The following LDB2 variants were observed in gnomAD, a reference collection of about 807,000 sequenced individuals.
LDB2 encodes the protein LIM domain binding 2, also known as LIM domain-binding protein 2.
LDB2 carries 12 observed loss-of-function variants against 44.3 expected under a neutral mutation model. That is an observed-to-expected ratio of 0.27 (90% CI 0.17 to 0.44). LDB2 has a LOEUF of 0.44. LDB2 is among the 20% of genes least tolerant of loss of function. The pLI, the probability that LDB2 is intolerant of heterozygous loss-of-function variation, is 1.00. For synonymous variants in LDB2, 164 were observed against 174.8 expected (o/e 0.94, Z 0.49); for missense variants, 344 against 473.5 (o/e 0.73, Z 2.54).
intron 5 of LDB2, among the ~76,000 whole-genome samples, chr4:16,569,812 G>T (rs2152396655): frequency 6.6e-6 from 1 of 152,224 alleles, no homozygotes; most frequent in East Asian, 1.9e-4. Context: ...TTGGAAAAGG[G>T]CTTAGAAGCC....
chr4:16,508,912 TA>T (rs1720635175), intron 6 of LDB2, among the ~76,000 whole-genome samples: 2 of 145,984 alleles, frequency 1.4e-5, no homozygotes, highest in South Asian at 4.3e-4. Flanking sequence ...AAATAATTTT[TA>T]TTTAATCATT....
At chr4:16,562,525 C>T (rs1352814618) in intron 5 of LDB2, among the ~76,000 whole-genome samples, 1 of 152,200 alleles carries the variant, frequency 6.6e-6, no homozygotes, top group Non-Finnish European at 1.5e-5. Context: ...GATACCATCT[C>T]ACACCAGTTA....
intron 2 of LDB2, among the ~76,000 whole-genome samples, chr4:16,722,418 G>T (rs1293066951): frequency 6.6e-6 from 1 of 152,094 alleles, no homozygotes; most frequent in Non-Finnish European, 1.5e-5. Flanking sequence ...GCCCTCTCAG[G>T]ACACCTCTCA....
chr4:16,520,758 T>C (rs1208957908), intron 5 of LDB2, among the ~76,000 whole-genome samples: 1 of 152,174 alleles, frequency 6.6e-6, no homozygotes, highest in Non-Finnish European at 1.5e-5. Context: ...ACTGCTTTTC[T>C]GACCCACCCA....
intron 2 of LDB2, among the ~76,000 whole-genome samples, chr4:16,654,072 C>T (rs181890517): frequency 2.6e-5 from 4 of 152,234 alleles, no homozygotes; most frequent in South Asian, 2.1e-4. Context: ...AAGACTCAAA[C>T]GTCTATAAAC....
chr4:16,654,730 A>G (rs1022797217), intron 2 of LDB2, among the ~76,000 whole-genome samples: 6 of 152,310 alleles, frequency 3.9e-5, no homozygotes, highest in South Asian at 2.1e-4. Flanking sequence ...ATTTTTCCCT[A>G]TAAGAAACCC....
At chr4:16,505,737 C>T (rs1170868700) in intron 7 of LDB2, 6 of 1,181,074 alleles carry the variant, frequency 5.1e-6, no homozygotes, top group Non-Finnish European at 7.0e-6. Flanking sequence ...GCCCTCAGCT[C>T]CCCACAAGGC....
At chr4:16,654,857 C>T (rs112330625) in intron 2 of LDB2, among the ~76,000 whole-genome samples, 57 of 152,212 alleles carry the variant, frequency 3.7e-4, no homozygotes, top group African/African-American at 1.1e-3. Context: ...ATTTGATTCA[C>T]GTTAACTTCC....
At chr4:16,697,323 TGGG>T (rs1752391570) in intron 2 of LDB2, among the ~76,000 whole-genome samples, 1 of 140,192 alleles carries the variant, frequency 7.1e-6, no homozygotes, top group African/African-American at 2.7e-5. Context: ...GGCGTGGTGG[TGGG>T]CGCCTGTAGT....
intron 1 of LDB2, among the ~76,000 whole-genome samples, chr4:16,892,763 C>G (rs531330830): frequency 1.3e-5 from 2 of 152,156 alleles, no homozygotes; most frequent in South Asian, 4.2e-4. Flanking sequence ...GCCCTGTTCT[C>G]CATATACTTT....
intron 1 of LDB2, among the ~76,000 whole-genome samples, chr4:16,850,145 T>C (rs558239580): frequency 1.1e-4 from 16 of 152,264 alleles, no homozygotes; most frequent in Non-Finnish European, 2.1e-4. Flanking sequence ...GGAGCTCTTG[T>C]GTAAGGAGAA....
In LDB2 at chr4:16,582,953, T is replaced by C. The variant is rs1376534182; in HGVS notation, c.615+2969A>G. Reference sequence around the variant, plus strand: ...CCAAATCAAATGACAATAGTTGTTCTTGTTGTTGCTTCAAAAGCACCAGGT... The same window carrying C: ...CCAAATCAAATGACAATAGTTGTTCCTGTTGTTGCTTCAAAAGCACCAGGT... On this transcript the variant is annotated intron_variant, in intron 5 of 7. Transcript: ENST00000304523. The surrounding 1 kb of genome is among the most constrained non-coding windows in gnomAD (Gnocchi z 4.8). Among the ~76,000 whole-genome samples, 1 of 147,380 alleles carries C rather than the reference T, an allele frequency of 6.8e-6. No homozygotes were observed. The highest frequency in any genetic ancestry group is 2.7e-5 in the African/African-American group (1 of 36,888).
intron 5 of LDB2, among the ~76,000 whole-genome samples, chr4:16,576,207 C>A (rs1343425085): frequency 6.6e-6 from 1 of 151,808 alleles, no homozygotes; most frequent in African/African-American, 2.4e-5. Context: ...CAAACCAAAT[C>A]CAAAATTTCT....
At chr4:16,631,651 G>A (rs993023094) in intron 2 of LDB2, among the ~76,000 whole-genome samples, 8 of 152,012 alleles carry the variant, frequency 5.3e-5, no homozygotes, top group Non-Finnish European at 7.4e-5. Flanking sequence ...TCCAGGAGCC[G>A]GTTTTTTGAA....
At chr4:16,506,876 A>C (rs188857806) in intron 7 of LDB2, 27 of 152,310 alleles carry the variant, frequency 1.8e-4, no homozygotes, top group African/African-American at 6.5e-4. Context: ...TAGCTATATC[A>C]CCGTTTCAGA....
chr4:16,782,881 T>C (rs1033948870), intron 1 of LDB2, among the ~76,000 whole-genome samples: 1 of 151,856 alleles, frequency 6.6e-6, no homozygotes, highest in Non-Finnish European at 1.5e-5. Context: ...TAGACAAACA[T>C]GTGGGTGTAT....
chr4:16,729,054 T>C (rs755145848), intron 2 of LDB2, among the ~76,000 whole-genome samples: 3 of 152,206 alleles, frequency 2.0e-5, no homozygotes, highest in Non-Finnish European at 2.9e-5. Flanking sequence ...TTCATGTCAT[T>C]ACCAGCCAGA....
intron 1 of LDB2, among the ~76,000 whole-genome samples, chr4:16,777,535 C>A (rs544034554): frequency 5.9e-5 from 9 of 152,106 alleles, no homozygotes; most frequent in Non-Finnish European, 1.2e-4. Flanking sequence ...CCTTGCAAAG[C>A]CAAACAAGAT....
chr4:16,703,791 T>C (rs1754007844), intron 2 of LDB2, among the ~76,000 whole-genome samples: 2 of 152,208 alleles, frequency 1.3e-5, no homozygotes, highest in Middle Eastern at 3.2e-3. Context: ...TGTTACTCAT[T>C]TGTGTGCAAG....
Sources: allele counts gnomAD v4.1 joint callset (sites outside exome capture counted in the v4.1 genomes callset), GRCh38; gene constraint gnomAD v4.1.1; non-coding constraint Gnocchi (gnomAD v3.1); transcripts MANE v1.5; gene names NCBI Gene and HGNC (gene_info 2026-07-23, HGNC 2026-07-21).